SUPT3H: variants seen among roughly 807,000 people sequenced by gnomAD.
The protein encoded by SUPT3H is SPT3 homolog, SAGA and STAGA complex component, also known as transcription initiation protein SPT3 homolog.
A neutral mutation model predicts 44.3 loss-of-function variants in SUPT3H; 44 were observed. The ratio of observed to expected loss-of-function variants is 0.99; its 90% CI spans 0.78 to 1.28. The LOEUF (loss-of-function observed/expected upper bound fraction) is 1.28, where lower values mean the gene tolerates loss of function less well. Ranked by LOEUF, SUPT3H falls within the 50% of genes most tolerant of loss-of-function variation. SUPT3H has a pLI of 0.00. For missense variants in SUPT3H, 380 were observed against 387.1 expected, an observed-to-expected ratio of 0.98 and a Z score of 0.15; for synonymous variants, 124 against 125.6, an observed-to-expected ratio of 0.99 and a Z score of 0.09.
At chr6:45,343,395 A>G (rs899681956) in intron 2 of SUPT3H, among the ~76,000 whole-genome samples, 1 of 152,098 alleles carries the variant, frequency 6.6e-6, no homozygotes, top group African/African-American at 2.4e-5. Flanking sequence ...CTGAGTGAAG[A>G]GCACCTGGTA....
intron 2 of SUPT3H, among the ~76,000 whole-genome samples, chr6:45,341,650 A>G (rs1275935103): frequency 6.6e-6 from 1 of 152,238 alleles, no homozygotes; most frequent in East Asian, 1.9e-4. Flanking sequence ...ACAAAAAGAA[A>G]GGAATGAAAT....
chr6:45,053,209 T>A (rs1207407444), intron 3 of SUPT3H, among the ~76,000 whole-genome samples: 3 of 120,002 alleles, frequency 2.5e-5, no homozygotes, highest in African/African-American at 1.0e-4. Flanking sequence ...TTTTTTGTTT[T>A]GTTTTGCCTT....
At chr6:44,906,748 T>A (rs1274012829) in intron 10 of SUPT3H, among the ~76,000 whole-genome samples, 2 of 152,092 alleles carry the variant, frequency 1.3e-5, no homozygotes, top group Non-Finnish European at 2.9e-5. Context: ...GGCAACAGAG[T>A]GAGACTCCGT....
At chr6:45,072,734 T>C (rs1248729964) in intron 3 of SUPT3H, among the ~76,000 whole-genome samples, 1 of 152,132 alleles carries the variant, frequency 6.6e-6, no homozygotes, top group East Asian at 1.9e-4. Context: ...TGAATCTCTT[T>C]TTGATGCAGA....
Position 45,067,342 on chromosome 6 carries a change from C to A in SUPT3H, c.186+38580G>T, listed in dbSNP as rs1044634237. Among the ~76,000 whole-genome samples the A allele has an allele frequency of 5.4e-5, 7 of 129,026 alleles. No homozygotes were observed. In the East Asian group the frequency reaches 8.9e-4, roughly 16 times the overall value. 84.6% of individuals were successfully genotyped at this position (129,026 alleles called of 152,430 possible). A position where few individuals can be genotyped will look rare whatever the true frequency, so the allele number is the denominator to read the frequency against. ...ATGGATTAAAGATTTAAACGTTAGA[C>A]CTAAAACCATAAAAACCCTAGAAGA... On this transcript the variant is annotated intron_variant, in intron 3 of 10. Coordinates refer to ENST00000371459, the MANE Select transcript of SUPT3H (RefSeq NM_003599.4).
rs576405719 is a variant in SUPT3H at position 45,229,314 on chromosome 6, T to C, written c.102-123308A>G. 3.9e-5 allele frequency among the ~76,000 whole-genome samples: 6 copies of C among 152,270 alleles called. No homozygotes were observed. In the East Asian group the frequency reaches 9.6e-4, roughly 24 times the overall value. On this transcript the variant is annotated intron_variant, in intron 2 of 10. Transcript: ENST00000371459. ...AGCAGGAGTTATGTCTTTAAACTCA[T>C]TCTTTTTCCTAGGAGAACTACAAAT...
chr6:45,148,266 C>A (rs1806402214), intron 2 of SUPT3H, among the ~76,000 whole-genome samples: 2 of 152,080 alleles, frequency 1.3e-5, no homozygotes, highest in South Asian at 4.1e-4. Flanking sequence ...TTCATTTAGT[C>A]CTCCTCAAAC....
intron 11 of SUPT3H, among the ~76,000 whole-genome samples, chr6:44,819,486 A>ATT (rs572068213): frequency 3.9e-4 from 57 of 144,428 alleles, no homozygotes; most frequent in Middle Eastern, 3.5e-3. Flanking sequence ...CAGACTAAGC[A>ATT]TTTTTTTTTT....
chr6:45,230,686 A>ATATATTTT lies in SUPT3H; in HGVS notation c.102-124681_102-124680insAAAATATA, dbSNP rs796866510. On this transcript the variant is annotated intron_variant, in intron 2 of 10. Coordinates refer to ENST00000371459, the MANE Select transcript of SUPT3H (RefSeq NM_003599.4). ...TCTATATATATATATATATATATAT[A>ATATATTTT]TTTTTGAGATGGAGTCTTGCTCTAT... Among the ~76,000 whole-genome samples, 185 of 116,816 alleles carry ATATATTTT rather than the reference A, an allele frequency of 1.6e-3. 2 individuals carry two copies. The highest frequency in any genetic ancestry group is 3.4e-3 in the African/African-American group (109 of 31,838). The allele number at this position is 116,816 out of a possible 152,430, so 76.6% of individuals were successfully genotyped here. A position where few individuals can be genotyped will look rare whatever the true frequency, so the allele number is the denominator to read the frequency against.
At position 44,899,562 on chromosome 6, in the gene SUPT3H, C is replaced by T. The variant is rs143743149; in HGVS notation, c.912+33091G>A. Among the ~76,000 whole-genome samples, 347 of 152,172 alleles carry T rather than the reference C, an allele frequency of 2.3e-3. 1 individual carries two copies. The highest frequency in any genetic ancestry group is 7.6e-3 in the African/African-American group (317 of 41,522). On this transcript the variant is annotated intron_variant, in intron 10 of 10. Coordinates refer to ENST00000371459, the MANE Select transcript of SUPT3H (RefSeq NM_003599.4). ...ATTAGCCAGGTGTGGTGGCGGGAAC[C>T]TGTAATCCCAGTTACATGGGAGGCT...
At chr6:45,094,818 T>A (rs1268177306) in intron 3 of SUPT3H, among the ~76,000 whole-genome samples, 1 of 151,972 alleles carries the variant, frequency 6.6e-6, no homozygotes, top group African/African-American at 2.4e-5. Flanking sequence ...AATCAGGAAA[T>A]TTTCCATAAT....
chr6:45,235,877 T>C (rs960290629), intron 2 of SUPT3H, among the ~76,000 whole-genome samples: 22 of 152,158 alleles, frequency 1.4e-4, no homozygotes, highest in African/African-American at 3.9e-4. Context: ...AAGGAATACC[T>C]GGCCCAACCA....
intron 3 of SUPT3H, among the ~76,000 whole-genome samples, chr6:45,073,685 A>G (rs1305455829): frequency 6.6e-6 from 1 of 151,998 alleles, no homozygotes; most frequent in East Asian, 1.9e-4. Context: ...TAGGGGCATC[A>G]TGTTCTCAAA....
intron 10 of SUPT3H, among the ~76,000 whole-genome samples, chr6:44,857,253 T>C (rs756344413): frequency 6.6e-6 from 1 of 152,180 alleles, no homozygotes; most frequent in Non-Finnish European, 1.5e-5. Context: ...AATACCCTTA[T>C]AAAACACAAA....
At chr6:45,372,301 C>T (rs1031637187) in intron 1 of SUPT3H, among the ~76,000 whole-genome samples, 51 of 152,222 alleles carry the variant, frequency 3.4e-4, no homozygotes, top group African/African-American at 9.9e-4. Context: ...CTTAGTAAAC[C>T]GCCTTGTACA....
chr6:44,914,073 T>C (rs1162881965), intron 10 of SUPT3H, among the ~76,000 whole-genome samples: 5 of 152,220 alleles, frequency 3.3e-5, no homozygotes, highest in Non-Finnish European at 7.3e-5. Context: ...TAGTTAGGCA[T>C]TGCTCCTTTG....
chr6:45,309,469 A>G (rs1783626120), intron 2 of SUPT3H, among the ~76,000 whole-genome samples: 2 of 151,976 alleles, frequency 1.3e-5, no homozygotes, highest in African/African-American at 2.4e-5. Context: ...GAAAAAAAAA[A>G]CTATGTAACT....
At chr6:45,342,562 C>T (rs1387243571) in intron 2 of SUPT3H, among the ~76,000 whole-genome samples, 1 of 152,120 alleles carries the variant, frequency 6.6e-6, no homozygotes, top group Non-Finnish European at 1.5e-5. Flanking sequence ...CCCAGCCCTA[C>T]AATCTCCATT....
At chr6:45,123,824 C>T (rs1583669759) in intron 2 of SUPT3H, among the ~76,000 whole-genome samples, 1 of 152,304 alleles carries the variant, frequency 6.6e-6, no homozygotes, top group East Asian at 1.9e-4. Context: ...TATAGCTATG[C>T]TGCACTAAAA....
Sources: gnomAD v4.1 joint callset for allele counts (sites outside exome capture counted in the v4.1 genomes callset) on GRCh38, gnomAD v4.1.1 for gene constraint, MANE v1.5 for transcripts, NCBI Gene and HGNC (gene_info 2026-07-23, HGNC 2026-07-21) for gene names.